The following POU2F2 variants were observed in gnomAD, a reference collection of about 807,000 sequenced individuals.
The protein encoded by POU2F2 is POU domain, class 2, transcription factor 2.
In POU2F2, 14 loss-of-function variants were observed where a neutral mutation model predicts 63.5. The observed-to-expected ratio is 0.22, with a 90% CI of 0.15 to 0.34. The LOEUF (loss-of-function observed/expected upper bound fraction) is 0.34. Among genes scored for constraint, POU2F2 ranks in the 10% least tolerant of loss-of-function variants. The pLI is 1.00. For missense variants in POU2F2, 607 were observed against 815.2 expected (o/e 0.74, Z 3.11); for synonymous variants, 306 against 348.6 (o/e 0.88, Z 1.36).
chr19:42,146,320 C>T (rs531002439), intron 2 of POU2F2, among the ~76,000 whole-genome samples: 1 of 152,338 alleles, frequency 6.6e-6, no homozygotes, highest in African/African-American at 2.4e-5. Flanking sequence ...AAACCCTTGC[C>T]CACCCTGTCC....
chr19:42,190,024 G>C (rs922256132), intron 1 of POU2F2, among the ~76,000 whole-genome samples: 51 of 152,198 alleles, frequency 3.4e-4, no homozygotes, highest in Admixed American at 3.3e-3. Context: ...GCTGCACCTG[G>C]TGAGTTTTTT....
chr19:42,194,973 G>C (rs1353682494), intron 1 of POU2F2, among the ~76,000 whole-genome samples: 2 of 113,166 alleles, frequency 1.8e-5, no homozygotes, highest in African/African-American at 3.7e-5. Flanking sequence ...GGAGGGGGGA[G>C]GGAGGGAGAA....
upstream of POU2F2, chr19:42,132,458 A>C (rs1600170737): frequency 2.1e-6 from 3 of 1,426,852 alleles, no homozygotes; most frequent in Non-Finnish European, 2.8e-6. Flanking sequence ...TCATCTCCCC[A>C]CCCTCTCTGG....
At position 42,153,807 on chromosome 19, in the gene POU2F2, A is replaced by G. The variant is rs2146776501; in HGVS notation, c.-9+6525T>C. ...TATGTGTGTAGAGGCTACAACCCTGAGTCTCTGAGTGGGGGAGGGTGGCGA... is the reference window on the plus strand; with the variant it reads ...TATGTGTGTAGAGGCTACAACCCTGGGTCTCTGAGTGGGGGAGGGTGGCGA... On this transcript the variant is annotated intron_variant, in intron 2 of 6. Coordinates refer to the POU2F2 transcript ENST00000524801. The surrounding 1 kb of genome is among the most constrained non-coding windows in gnomAD (Gnocchi z 5.6). Among the ~76,000 whole-genome samples the G allele has an allele frequency of 6.6e-6, 1 of 152,070 alleles. No homozygotes were observed. Among genetic ancestry groups the G allele is most frequent in the African/African-American group, 2.4e-5 (1 of 41,462 alleles).
chr19:42,162,275 G>A lies in POU2F2; in HGVS notation c.-69-1883C>T, dbSNP rs575900897. On this transcript the variant is annotated intron_variant, in intron 1 of 6. Transcript: ENST00000524801. The surrounding 1 kb of genome is among the most constrained non-coding windows in gnomAD (Gnocchi z 4.1). Reference sequence around the variant, plus strand: ...GCTTCCAACTCTCATCCCATCTCCCGGGTTCCCAAACCCCAATATGCCCTC... The same window carrying A: ...GCTTCCAACTCTCATCCCATCTCCCAGGTTCCCAAACCCCAATATGCCCTC... Among the ~76,000 whole-genome samples, 4 of 152,168 alleles carry A rather than the reference G, an allele frequency of 2.6e-5. No homozygotes were observed. The highest frequency in any genetic ancestry group is 1.9e-4 in the East Asian group (1 of 5,158).
intron 1 of POU2F2, among the ~76,000 whole-genome samples, chr19:42,181,258 C>G (rs1038689874): frequency 2.0e-5 from 3 of 152,248 alleles, no homozygotes; most frequent in Non-Finnish European, 4.4e-5. Context: ...CATGCAAAGA[C>G]GTACACCATA....
intron 11 of POU2F2, among the ~76,000 whole-genome samples, chr19:42,094,278 T>A (rs552888135): frequency 6.6e-6 from 1 of 152,098 alleles, no homozygotes; most frequent in East Asian, 1.9e-4. Context: ...ACCAGTGGGG[T>A]TGGCAAGCAA....
At chr19:42,102,657 G>C (rs933411917) in intron 5 of POU2F2, among the ~76,000 whole-genome samples, 6 of 152,060 alleles carry the variant, frequency 3.9e-5, no homozygotes, top group Non-Finnish European at 5.9e-5. Flanking sequence ...GGGAAAAAAG[G>C]GGGGATGAGG....
At position 42,117,167 on chromosome 19, in the gene POU2F2, T is replaced by C; in HGVS notation, c.369+83A>G. ...TGTGAGAGAGTGGCCATGGCCTTGG[T>C]GGAACAGTTCATCCACTAGCCCTGT... On this transcript the variant is annotated intron_variant, in intron 5 of 14. Coordinates refer to ENST00000692977, the MANE Select transcript of POU2F2 (RefSeq NM_001394376.1). The surrounding 1 kb of genome is among the most constrained non-coding windows in gnomAD (Gnocchi z 4.4). The C allele has an allele frequency of 8.7e-7, 1 of 1,151,484 alleles. No individual in the cohort carries two copies. The highest frequency in any genetic ancestry group is 1.2e-6 in the Non-Finnish European group (1 of 819,546). The allele number at this position is 1,151,484 out of a possible 1,614,324, so 71.3% of individuals were successfully genotyped here.
At chr19:42,105,873 G>A (rs190289086) in intron 5 of POU2F2, among the ~76,000 whole-genome samples, 10 of 151,490 alleles carry the variant, frequency 6.6e-5, no homozygotes, top group African/African-American at 2.2e-4. Flanking sequence ...GCAGAGAGGG[G>A]TCTAAAACAA....
rs1482568702 is a variant in POU2F2 at position 42,152,194 on chromosome 19, A to C, written c.-9+8138T>G. On this transcript the variant is annotated intron_variant, in intron 2 of 6. Coordinates refer to the POU2F2 transcript ENST00000524801. The surrounding 1 kb of genome is among the most constrained non-coding windows in gnomAD (Gnocchi z 4.1). ...TGTGAGCCCCCATGCCCACAGGGATATGGAGCCTCCAAAGAGACAGAAGGA... is the reference window on the plus strand; with the variant it reads ...TGTGAGCCCCCATGCCCACAGGGATCTGGAGCCTCCAAAGAGACAGAAGGA... 1.3e-5 allele frequency among the ~76,000 whole-genome samples: 2 copies of C among 152,180 alleles called. No homozygotes were observed. The highest frequency in any genetic ancestry group is 4.8e-5 in the African/African-American group (2 of 41,442).
chr19:42,192,682 C>T (rs530532241), intron 1 of POU2F2, among the ~76,000 whole-genome samples: 2 of 152,266 alleles, frequency 1.3e-5, no homozygotes, highest in East Asian at 3.9e-4. Flanking sequence ...CTCACCCACT[C>T]TATACACTCA....
intron 2 of POU2F2, among the ~76,000 whole-genome samples, chr19:42,142,801 C>T (rs1343605882): frequency 1.3e-5 from 2 of 151,026 alleles, no homozygotes; most frequent in African/African-American, 4.9e-5. Context: ...CGGGCTCAAG[C>T]GATCCTCCCT....
upstream of POU2F2, among the ~76,000 whole-genome samples, chr19:42,134,880 C>T (rs562753591): frequency 6.6e-5 from 10 of 152,082 alleles, no homozygotes; most frequent in Non-Finnish European, 1.3e-4. Context: ...TGTACGCGGC[C>T]GGCGAGTCGA....
chr19:42,133,443 T>C (rs1476417431), upstream of POU2F2: 1 of 154,642 alleles, frequency 6.5e-6, no homozygotes, highest in Non-Finnish European at 1.5e-5. This position sits in a 1 kb window ranked among gnomAD's most constrained non-coding sequence, Gnocchi z 5.1. Flanking sequence ...CTCTTCCTCT[T>C]GGTGCCCGAG....
At chr19:42,174,595 A>G (rs2034836441) in intron 1 of POU2F2, among the ~76,000 whole-genome samples, 2 of 151,254 alleles carry the variant, frequency 1.3e-5, no homozygotes, top group Admixed American at 6.6e-5. Context: ...ACATGTCACG[A>G]TTCTACACCT....
chr19:42,115,296 T>C (rs972862269), intron 5 of POU2F2, among the ~76,000 whole-genome samples: 2 of 152,160 alleles, frequency 1.3e-5, no homozygotes, highest in African/African-American at 2.4e-5. Flanking sequence ...AATGGGAGCA[T>C]TGGCCAATAA....
At chr19:42,151,283 AGGGGCTGTGGG>A (rs2034344526) in intron 2 of POU2F2, among the ~76,000 whole-genome samples, 1 of 52,332 alleles carries the variant, frequency 1.9e-5, no homozygotes, top group African/African-American at 7.5e-5. Context: ...CGGGGAGGAG[AGGGGCTGTGGG>A]GATGGCCATG....
intron 1 of POU2F2, among the ~76,000 whole-genome samples, chr19:42,193,284 AACCTGTGAATGTT>A (rs1431668307): frequency 3.3e-5 from 5 of 152,132 alleles, no homozygotes; most frequent in Admixed American, 6.5e-5. Context: ...GAAGCTCTGG[AACCTGTGAATGTT>A]ACCTTAAATG....
Sources: allele counts gnomAD v4.1 joint callset (sites outside exome capture counted in the v4.1 genomes callset), GRCh38; gene constraint gnomAD v4.1.1; non-coding constraint Gnocchi (gnomAD v3.1); transcripts MANE v1.5; gene names NCBI Gene and HGNC (gene_info 2026-07-23, HGNC 2026-07-21).